PHF8: variants seen among roughly 807,000 people sequenced by gnomAD.
PHF8 encodes PHD finger protein 8.
PHF8 carries 9 observed loss-of-function variants against 74.4 expected under a neutral mutation model. That is an observed-to-expected ratio of 0.12 (90% confidence interval 0.07 to 0.21). The LOEUF (loss-of-function observed/expected upper bound fraction) is 0.21, where lower values mean the gene tolerates loss of function less well. PHF8 is among the 10% of genes least tolerant of loss of function. The pLI is 1.00. For synonymous variants in PHF8, 311 were observed against 316.6 expected (o/e 0.98, Z 0.19); for missense variants, 478 against 816.6 (o/e 0.59, Z 5.05).
chrX:54,008,051 C>G (rs782816036), intron 8 of PHF8, among the ~76,000 whole-genome samples: 1 of 112,307 alleles, frequency 8.9e-6, no homozygotes, highest in East Asian at 2.8e-4. Flanking sequence ...CATATCCACA[C>G]CACAGAATAT....
At chrX:54,021,464 T>A (rs963311297) in intron 4 of PHF8, among the ~76,000 whole-genome samples, 5 of 74,234 alleles carry the variant, frequency 6.7e-5, no homozygotes, top group Non-Finnish European at 1.3e-4. Flanking sequence ...ATTTTTTTTT[T>A]TTTTTTTTTT....
At chrX:53,974,747 C>T (rs1322936540) in intron 18 of PHF8, among the ~76,000 whole-genome samples, 1 of 112,121 alleles carries the variant, frequency 8.9e-6, no homozygotes, top group Non-Finnish European at 1.9e-5. Context: ...AACGACATCA[C>T]GTCCACTGCA....
chrX:53,961,045 G>T (rs1311032777), intron 19 of PHF8, among the ~76,000 whole-genome samples: 1 of 107,432 alleles, frequency 9.3e-6, no homozygotes, highest in Non-Finnish European at 1.9e-5. Flanking sequence ...TTTTTGAGAT[G>T]GAGTCTCGCT....
At chrX:54,007,505 A>G (rs782783462) in intron 8 of PHF8, among the ~76,000 whole-genome samples, 1 of 112,358 alleles carries the variant, frequency 8.9e-6, no homozygotes, top group Non-Finnish European at 1.9e-5. Context: ...CAAATCACAT[A>G]TCTGGTAAAA....
intron 2 of PHF8, among the ~76,000 whole-genome samples, chrX:54,037,373 G>A (rs1557114705): frequency 1.8e-5 from 2 of 111,042 alleles, no homozygotes; most frequent in East Asian, 2.8e-4. Flanking sequence ...TCAGCCTCCC[G>A]GGCAGCTGGG....
At chrX:53,970,373 G>A (rs1433099761) in intron 18 of PHF8, among the ~76,000 whole-genome samples, 2 of 112,061 alleles carry the variant, frequency 1.8e-5, no homozygotes, top group Non-Finnish European at 3.8e-5. Context: ...AGCTCCTAAA[G>A]GAAGTACTTT....
chrX:54,014,190 C>T (rs1311505544), intron 7 of PHF8, among the ~76,000 whole-genome samples, 187 bp downstream of exon 7: 13 of 111,060 alleles, frequency 1.2e-4, no homozygotes, highest in Non-Finnish European at 2.1e-4. Context: ...CTCCTGACCT[C>T]GTGATCCGCC....
chrX:54,026,530 T>TTTGTTG (rs782228820), intron 2 of PHF8, among the ~76,000 whole-genome samples: 3 of 103,071 alleles, frequency 2.9e-5, no homozygotes, highest in Admixed American at 1.0e-4. Context: ...GGTTTTGGCT[T>TTTGTTG]TTGTTGTTGT....
chrX:54,042,748 G>A lies in PHF8; in HGVS notation c.-20C>T, dbSNP rs1217514482. On this transcript the variant is annotated 5_prime_UTR_variant, in exon 2 of 22. The change creates a new upstream start codon in the 5' untranslated region. Transcript: ENST00000338154. Reference sequence around the variant, plus strand: ...GGCCATCTTCGCTCGGCCCTGGAGCGTTCTGCGGCCGGCCAGGTTCGTCGT... The same window carrying A: ...GGCCATCTTCGCTCGGCCCTGGAGCATTCTGCGGCCGGCCAGGTTCGTCGT... 1 of 1,197,966 alleles carries A rather than the reference G, an allele frequency of 8.3e-7. No homozygotes were observed. Among genetic ancestry groups the A allele is most frequent in the Non-Finnish European group, 1.1e-6 (1 of 888,086 alleles).
rs2064690641 is a variant in PHF8 at position 53,937,900 on chromosome X, TG to T, written c.*1257del. 6.0e-6 allele frequency: 5 copies of T among 827,320 alleles called. No individual in the cohort carries two copies. In the African/African-American group the frequency reaches 8.3e-5, roughly 14 times the overall value. The allele number at this position is 827,320 out of a possible 1,213,427, so 68.2% of individuals were successfully genotyped here. On this transcript the variant is annotated 3_prime_UTR_variant, in exon 22 of 22. Transcript: ENST00000338154. ...GCCAGTGAGGCAAGGCGGTGGGAGG[TG>T]GGGGCACTGTCTGGACAATGGAGAC...
At chrX:54,016,520 A>G in intron 6 of PHF8, 75 bp downstream of exon 6, 1 of 876,852 alleles carries the variant, frequency 1.1e-6, no homozygotes, top group Non-Finnish European at 1.7e-6. Flanking sequence ...AGAGAGAAAC[A>G]CGAATATACA....
At chrX:54,019,787 C>CAAAAAAAAAAAAAAAAA (rs781792263) in intron 4 of PHF8, among the ~76,000 whole-genome samples, 2 of 27,720 alleles carry the variant, frequency 7.2e-5, no homozygotes, top group Non-Finnish European at 6.7e-5. Flanking sequence ...GACACCGCCT[C>CAAAAAAAAAAAAAAAAA]AAAAAAAAAA....
Position 54,032,010 on chromosome X carries a change from A to G in PHF8, c.99-9167T>C, listed in dbSNP as rs781819021. On this transcript the variant is annotated intron_variant, in intron 2 of 21. Transcript: ENST00000338154. ...ACTTTAAGGAATAATGATCTACAGT[A>G]GCCCCGAAATTCTCCCTGCTTCTAC... is the stretch of plus-strand genomic sequence containing the variant. Among the ~76,000 whole-genome samples, 21 of 110,745 alleles carry G rather than the reference A, an allele frequency of 1.9e-4. 1 individual carries two copies. The highest frequency in any genetic ancestry group is 3.4e-4 in the Non-Finnish European group (18 of 52,940).
rs782658699 is a variant in PHF8 at position 53,994,205 on chromosome X, C to T, written c.1324-302G>A. Among the ~76,000 whole-genome samples the T allele has an allele frequency of 5.3e-5, 6 of 112,516 alleles. No homozygotes were observed. In the South Asian group the frequency reaches 2.2e-3, roughly 41 times the overall value. On this transcript the variant is annotated intron_variant, in intron 12 of 21. Coordinates refer to ENST00000338154, the MANE Select transcript of PHF8 (RefSeq NM_015107.3). ...TAATCAAGTACTAATCTGTGTGGTT[C>T]AAATTCTAAGGACTACAGGATTTGA...
At chrX:53,981,546 T>C (rs782414163) in intron 18 of PHF8, among the ~76,000 whole-genome samples, 2 of 111,556 alleles carry the variant, frequency 1.8e-5, no homozygotes, top group African/African-American at 3.3e-5. Flanking sequence ...CCAAAAAAGA[T>C]TGATAGGGAC....
At position 54,043,779 on chromosome X, in the gene PHF8, C is replaced by G. The variant is rs1557116682; in HGVS notation, c.-110G>C. 1.3e-6 allele frequency: 1 copy of G among 744,358 alleles called. No homozygotes were observed. The highest frequency in any genetic ancestry group is 1.6e-6 in the Non-Finnish European group (1 of 631,536). 61.3% of individuals were successfully genotyped at this position (744,358 alleles called of 1,213,427 possible). On this transcript the variant is annotated 5_prime_UTR_variant, in exon 1 of 22. Coordinates refer to ENST00000338154, the MANE Select transcript of PHF8 (RefSeq NM_015107.3). ...AAACTTACAGGAATCTTAACGCTTCCCCAACTGACAGGAACCTCCTCACGC... is the reference window on the plus strand; with the variant it reads ...AAACTTACAGGAATCTTAACGCTTCGCCAACTGACAGGAACCTCCTCACGC...
chrX:53,980,109 G>A (rs1442570784), intron 18 of PHF8, among the ~76,000 whole-genome samples: 1 of 111,295 alleles, frequency 9.0e-6, no homozygotes, highest in Non-Finnish European at 1.9e-5. Context: ...ACAGCACAAG[G>A]ATGCCCCCAT....
chrX:53,949,811 C>CAAAAAAAAAA (rs11353359), intron 19 of PHF8, among the ~76,000 whole-genome samples: 14 of 24,339 alleles, frequency 5.8e-4, no homozygotes, highest in African/African-American at 7.6e-4. Flanking sequence ...GACTCCGTCT[C>CAAAAAAAAAA]AAAAAAAAAA....
chrX:53,970,585 G>A (rs2065277169), intron 18 of PHF8, among the ~76,000 whole-genome samples: 1 of 111,484 alleles, frequency 9.0e-6, no homozygotes, highest in Non-Finnish European at 1.9e-5. Context: ...CCATCAGTAT[G>A]CTGTCTTCAG....
Sources: allele counts gnomAD v4.1 joint callset (sites outside exome capture counted in the v4.1 genomes callset), GRCh38; gene constraint gnomAD v4.1.1; transcripts MANE v1.5; gene names NCBI Gene and HGNC (gene_info 2026-07-23, HGNC 2026-07-21).